Variants in LRP1B observed in about 807,000 individuals in gnomAD.
LRP1B encodes the protein LDL receptor related protein 1B, also known as low-density lipoprotein receptor-related protein 1B.
A neutral mutation model predicts 556.6 loss-of-function variants in LRP1B; 217 were observed. That is an observed-to-expected ratio of 0.39 (90% CI 0.35 to 0.44). LRP1B has a LOEUF of 0.44. Among genes scored for constraint, LRP1B ranks in the 20% least tolerant of loss-of-function variants. The probability of loss-of-function intolerance (pLI) is 1.00; values close to 1 mark genes in which losing one functional copy is unlikely to be tolerated. For missense variants in LRP1B, 5,053 were observed against 5,620.8 expected (o/e 0.90, Z 3.23); for synonymous variants, 2,047 against 1,865.8 (o/e 1.10, Z -2.50).
intron 2 of LRP1B, among the ~76,000 whole-genome samples, chr2:141,718,976 C>T (rs1692721791): frequency 1.3e-5 from 2 of 151,544 alleles, no homozygotes; most frequent in Admixed American, 6.6e-5. Flanking sequence ...GGTATTTTGC[C>T]TGGGGTTTTA....
intron 43 of LRP1B, among the ~76,000 whole-genome samples, chr2:140,595,131 T>C (rs1682389947): frequency 1.8e-5 from 2 of 109,658 alleles, no homozygotes; most frequent in Admixed American, 9.3e-5. Context: ...TATATATATA[T>C]ATATATTAGT....
At chr2:141,804,016 C>T (rs1696093145) in intron 2 of LRP1B, among the ~76,000 whole-genome samples, 2 of 152,102 alleles carry the variant, frequency 1.3e-5, no homozygotes, top group South Asian at 4.1e-4. Context: ...TTCATAGATG[C>T]TTCTCTTCCT....
At chr2:142,079,249 C>T (rs1300234058) in intron 1 of LRP1B, among the ~76,000 whole-genome samples, 1 of 152,048 alleles carries the variant, frequency 6.6e-6, no homozygotes, top group Non-Finnish European at 1.5e-5. Context: ...CAGATATAAG[C>T]ACTTTATGGA....
chr2:141,266,512 C>A (rs1024893533), intron 3 of LRP1B, among the ~76,000 whole-genome samples: 6 of 149,434 alleles, frequency 4.0e-5, no homozygotes, highest in Admixed American at 2.7e-4. Context: ...AAACAAAAAA[C>A]CAAAGTAACA....
In LRP1B at chr2:141,049,170, A is replaced by G; in HGVS notation, c.1605T>C (p.Val535=). 1.2e-6 allele frequency: 2 copies of G among 1,613,582 alleles called. No homozygotes were observed. Among genetic ancestry groups the G allele is most frequent in the Non-Finnish European group, 1.7e-6 (2 of 1,179,690 alleles). Residue 535 remains valine (V), a synonymous_variant, in exon 11 of 91, where the codon GTT becomes GTC. Coordinates refer to ENST00000389484, the MANE Select transcript of LRP1B (RefSeq NM_018557.3). ...TCTTGGTATTCAAGTCCATTCCTCT[A>G]ACAATTCCTGGGCGTCCTTTCCCAT... The part of the protein sequence containing the change: ...LFYGKGRPGI[V]RGMDLNTKIA...
At chr2:140,376,955 C>A (rs1264393106) in intron 68 of LRP1B, among the ~76,000 whole-genome samples, 4 of 151,398 alleles carry the variant, frequency 2.6e-5, no homozygotes, top group African/African-American at 9.8e-5. Context: ...ATCCTCTGGC[C>A]AAGTCTATGG....
At chr2:140,743,521 C>T (rs1688208230) in intron 35 of LRP1B, among the ~76,000 whole-genome samples, 1 of 152,102 alleles carries the variant, frequency 6.6e-6, no homozygotes, top group Admixed American at 6.6e-5. Flanking sequence ...TCTCAGTTTC[C>T]CCATCTGTAA....
Position 141,055,213 on chromosome 2 carries a change from G to A in LRP1B, c.1455C>T (p.Gly485=). ...CEVDPYGMPG[G]CSHICLLSSS... is the part of the protein sequence containing the mutation. ...TGCTGAGTAGACAGATGTGTGAACA[G>A]CCCCCTGGCATTCCATATGGATCGA... is the stretch of plus-strand genomic sequence containing the variant. Residue 485 remains glycine (G), a synonymous_variant, in exon 10 of 91, where the codon GGC becomes GGT. Coordinates refer to ENST00000389484, the MANE Select transcript of LRP1B (RefSeq NM_018557.3). 3 of 1,611,848 alleles carry A rather than the reference G, an allele frequency of 1.9e-6. No homozygotes were observed. Among genetic ancestry groups the A allele is most frequent in the Non-Finnish European group, 2.5e-6 (3 of 1,178,774 alleles).
intron 51 of LRP1B, among the ~76,000 whole-genome samples, chr2:140,513,906 A>T (rs1437743884): frequency 6.6e-6 from 1 of 152,038 alleles, no homozygotes; most frequent in Non-Finnish European, 1.5e-5. Flanking sequence ...ACAGAAATAG[A>T]TTAGATAGAC....
At chr2:141,279,739 G>A (rs1410719922) in intron 3 of LRP1B, among the ~76,000 whole-genome samples, 1 of 152,052 alleles carries the variant, frequency 6.6e-6, no homozygotes, top group Non-Finnish European at 1.5e-5. Context: ...GGCAAGCTCT[G>A]ACTTACGATT....
At chr2:141,617,588 A>C (rs1403845727) in intron 2 of LRP1B, among the ~76,000 whole-genome samples, 9 of 152,138 alleles carry the variant, frequency 5.9e-5, no homozygotes, top group African/African-American at 2.2e-4. Context: ...TTTTCTCATA[A>C]GATTGTGGTA....
intron 20 of LRP1B, among the ~76,000 whole-genome samples, chr2:140,949,332 T>G (rs144727044): frequency 1.3e-5 from 2 of 152,300 alleles, no homozygotes; most frequent in African/African-American, 4.8e-5. Context: ...TTTTTTTCTG[T>G]AAGATTTCCA....
chr2:142,066,263 A>G (rs970090606), intron 1 of LRP1B, among the ~76,000 whole-genome samples: 2 of 116,360 alleles, frequency 1.7e-5, no homozygotes, highest in African/African-American at 6.1e-5. Context: ...AATTAGTAAA[A>G]TCATTAAGTC....
chr2:141,324,836 T>C (rs2105478777), intron 3 of LRP1B, among the ~76,000 whole-genome samples: 1 of 152,194 alleles, frequency 6.6e-6, no homozygotes, highest in Non-Finnish European at 1.5e-5. Flanking sequence ...TATACATTAA[T>C]AAATGCTTAT....
chr2:141,338,173 G>A (rs777548144), intron 3 of LRP1B, among the ~76,000 whole-genome samples: 3 of 152,096 alleles, frequency 2.0e-5, no homozygotes, highest in Non-Finnish European at 2.9e-5. Flanking sequence ...GTATTAGCTC[G>A]ATTCTCAAAA....
At chr2:140,628,468 C>A (rs527705830) in intron 41 of LRP1B, among the ~76,000 whole-genome samples, 1 of 149,454 alleles carries the variant, frequency 6.7e-6, no homozygotes, top group South Asian at 2.1e-4. Context: ...ACCCGGGAGG[C>A]GGAGCTTGCA....
At chr2:140,259,789 G>A (rs1681852402) in intron 86 of LRP1B, among the ~76,000 whole-genome samples, 1 of 151,902 alleles carries the variant, frequency 6.6e-6, no homozygotes, top group South Asian at 2.1e-4. Flanking sequence ...AATAGAACAG[G>A]CAGCATTCCC....
Position 141,206,208 on chromosome 2 carries a change from A to G in LRP1B, c.851-17625T>C, listed in dbSNP as rs371710927. 8.5e-5 allele frequency among the ~76,000 whole-genome samples: 13 copies of G among 152,262 alleles called. No homozygotes were observed. In the East Asian group the frequency reaches 1.5e-3, roughly 18 times the overall value. ...AAGAAAACTGTTTTTAAGATTCCCA[A>G]AAGACGACAAAACATAGTAACAACC... On this transcript the variant is annotated intron_variant, in intron 6 of 90. Coordinates refer to ENST00000389484, the MANE Select transcript of LRP1B (RefSeq NM_018557.3).
At chr2:141,461,252 G>A (rs1681857904) in intron 3 of LRP1B, among the ~76,000 whole-genome samples, 4 of 152,136 alleles carry the variant, frequency 2.6e-5, no homozygotes, top group Admixed American at 2.6e-4. Flanking sequence ...GGCAAGTGAA[G>A]GAGGAGGAAC....
Sources: allele counts gnomAD v4.1 joint callset (sites outside exome capture counted in the v4.1 genomes callset), GRCh38; gene constraint gnomAD v4.1.1; transcripts MANE v1.5; gene names NCBI Gene and HGNC (gene_info 2026-07-23, HGNC 2026-07-21).